The following SP140 variants were observed in gnomAD, a reference collection of about 807,000 sequenced individuals.
SP140 encodes nuclear body protein SP140.
A neutral mutation model predicts 125.0 loss-of-function variants in SP140; 81 were observed. That is an observed-to-expected ratio of 0.65 (90% CI 0.54 to 0.78). The LOEUF (loss-of-function observed/expected upper bound fraction) is 0.78, where lower values mean the gene tolerates loss of function less well. SP140 is among the 30% of genes least tolerant of loss of function. The pLI is 0.00. For missense variants in SP140, 858 were observed against 1,037.0 expected, an observed-to-expected ratio of 0.83 and a Z score of 2.37; for synonymous variants, 312 against 354.0, an observed-to-expected ratio of 0.88 and a Z score of 1.33.
intron 17 of SP140, among the ~76,000 whole-genome samples, chr2:230,286,057 G>A (rs142560497): frequency 6.6e-6 from 1 of 152,278 alleles, no homozygotes; most frequent in African/African-American, 2.4e-5. Flanking sequence ...TTTCCTCTGT[G>A]TTTTATCTCA....
chr2:230,242,145 A>G (rs1035845307), intron 4 of SP140, among the ~76,000 whole-genome samples: 1 of 152,182 alleles, frequency 6.6e-6, no homozygotes, highest in Non-Finnish European at 1.5e-5. Context: ...GATCAGAGGT[A>G]AAAATGGAGA....
chr2:230,275,658 A>C (rs577413349), intron 15 of SP140, among the ~76,000 whole-genome samples: 1 of 152,174 alleles, frequency 6.6e-6, no homozygotes, highest in Non-Finnish European at 1.5e-5. Context: ...CTAAGGGCTC[A>C]AGTTAAAGGA....
intron 15 of SP140, among the ~76,000 whole-genome samples, chr2:230,277,999 C>A (rs944218767): frequency 1.3e-5 from 2 of 152,036 alleles, no homozygotes; most frequent in Non-Finnish European, 2.9e-5. Context: ...ATTCATACCC[C>A]AAAGTGAGAT....
At chr2:230,285,955 T>A in intron 17 of SP140, 123 bp downstream of exon 17, 2 of 724,984 alleles carry the variant, frequency 2.8e-6, no homozygotes, top group South Asian at 3.6e-5. Context: ...TGGAGAGCAG[T>A]GAAATCTAAA....
chr2:230,282,481 T>C (rs958526014), intron 15 of SP140, among the ~76,000 whole-genome samples: 1 of 152,062 alleles, frequency 6.6e-6, no homozygotes, highest in Non-Finnish European at 1.5e-5. Context: ...TCCACATCCA[T>C]TCAATTTTTT....
chr2:230,195,225 A>G, the SP140 span, among the ~76,000 whole-genome samples: 1 of 152,106 alleles, frequency 6.6e-6, no homozygotes, highest in Non-Finnish European at 1.5e-5. Context: ...AAGGCAAGAA[A>G]ACCATGTGAC....
At chr2:230,234,728 T>C (rs2047727956) in intron 1 of SP140, among the ~76,000 whole-genome samples, 1 of 152,246 alleles carries the variant, frequency 6.6e-6, no homozygotes, top group South Asian at 2.1e-4. Context: ...ATTCACTTTT[T>C]AAAAATTTCA....
At chr2:230,272,106 A>T (rs770383295) in intron 15 of SP140, among the ~76,000 whole-genome samples, 2 of 152,232 alleles carry the variant, frequency 1.3e-5, no homozygotes, top group Non-Finnish European at 2.9e-5. Flanking sequence ...CATGGATAGG[A>T]AGAATCAATA....
chr2:230,290,051 G>T (rs1226677719), intron 18 of SP140, among the ~76,000 whole-genome samples: 1 of 152,126 alleles, frequency 6.6e-6, no homozygotes, highest in Non-Finnish European at 1.5e-5. Context: ...TGCCCCGTCA[G>T]TGCTCAAATG....
Position 230,253,947 on chromosome 2 carries a change from T to G in SP140, c.1159+530T>G, listed in dbSNP as rs571878319. Among the ~76,000 whole-genome samples, 35 of 152,174 alleles carry G rather than the reference T, an allele frequency of 2.3e-4. No homozygotes were observed. The South Asian group carries it at 7.1e-3, about 31-fold the overall frequency. ...CTTTTCCAACCTGGGAGAAGAGAACTTTGAGAGTGAGGAAAATATATAAAA... is the reference window on the plus strand; with the variant it reads ...CTTTTCCAACCTGGGAGAAGAGAACGTTGAGAGTGAGGAAAATATATAAAA... On this transcript the variant is annotated intron_variant, in intron 11 of 26. Coordinates refer to ENST00000392045, the MANE Select transcript of SP140 (RefSeq NM_007237.5).
intron 3 of SP140, 54 bp from the exon 4 acceptor site, chr2:230,241,350 G>A (rs934607754): frequency 9.1e-7 from 1 of 1,097,662 alleles, no homozygotes; most frequent in Admixed American, 1.7e-5. Context: ...GCACACTGAG[G>A]TCTCTCCTCT....
chr2:230,279,448 G>A (rs541920043), intron 15 of SP140, among the ~76,000 whole-genome samples: 130 of 152,150 alleles, frequency 8.5e-4, no homozygotes, highest in Non-Finnish European at 1.4e-3. Flanking sequence ...AAAACCATAT[G>A]GTACTGTCAT....
At chr2:230,243,205 A>G (rs2048955759) in intron 4 of SP140, among the ~76,000 whole-genome samples, 1 of 152,176 alleles carries the variant, frequency 6.6e-6, no homozygotes, top group Non-Finnish European at 1.5e-5. Context: ...CTTATTTAGA[A>G]TTGTTTTCCT....
Position 230,287,584 on chromosome 2 carries a change from T to G in SP140, c.1646-308T>G, listed in dbSNP as rs189571154. Among the ~76,000 whole-genome samples the G allele has an allele frequency of 1.8e-3, 272 of 152,334 alleles. 2 individuals are homozygous for G. The highest frequency in any genetic ancestry group is 6.1e-3 in the African/African-American group (255 of 41,580). Reference sequence around the variant, plus strand: ...CATATATATTTCAAATATATATGTTTGGAATGAAATATGAAATGAACCTTC... The same window carrying G: ...CATATATATTTCAAATATATATGTTGGGAATGAAATATGAAATGAACCTTC... On this transcript the variant is annotated intron_variant, in intron 17 of 26. Transcript: ENST00000392045.
chr2:230,189,113 G>A, the SP140 span, among the ~76,000 whole-genome samples: 10 of 151,796 alleles, frequency 6.6e-5, no homozygotes, highest in South Asian at 6.2e-4. Flanking sequence ...TGGTTACTCT[G>A]GCTAATGTTC....
intron 12 of SP140, among the ~76,000 whole-genome samples, chr2:230,268,516 ACT>A (rs2053468632): frequency 6.6e-6 from 1 of 151,094 alleles, no homozygotes; most frequent in Non-Finnish European, 1.5e-5. Flanking sequence ...CAAGAGTGAA[ACT>A]CTGTCTAAAA....
intron 3 of SP140, chr2:230,239,162 T>C (rs1480798043): frequency 1.4e-6 from 1 of 705,694 alleles, no homozygotes; most frequent in Non-Finnish European, 1.9e-6. Flanking sequence ...CTTGTTTTCA[T>C]ATTATGATAC....
chr2:230,200,859 T>C, upstream of SP140: 1 of 1,537,076 alleles, frequency 6.5e-7, no homozygotes, highest in Non-Finnish European at 9.0e-7. Context: ...GACTGTACTC[T>C]GAGACCAGCA....
At chr2:230,249,842 A>G (rs1032252407) in intron 9 of SP140, among the ~76,000 whole-genome samples, 3 of 152,214 alleles carry the variant, frequency 2.0e-5, no homozygotes, top group Non-Finnish European at 4.4e-5. Context: ...ACCTCTATCA[A>G]TAGTGAGTTT....
Sources: allele counts gnomAD v4.1 joint callset (sites outside exome capture counted in the v4.1 genomes callset), GRCh38; gene constraint gnomAD v4.1.1; transcripts MANE v1.5; gene names NCBI Gene and HGNC (gene_info 2026-07-23, HGNC 2026-07-21).